SEMA3E: variants seen among roughly 807,000 people sequenced by gnomAD.
SEMA3E encodes the protein semaphorin 3E.
Under a neutral mutation model 93.6 loss-of-function variants are expected in SEMA3E, and 49 were observed. The ratio of observed to expected loss-of-function variants is 0.52; its 90% confidence interval spans 0.42 to 0.66. The LOEUF (loss-of-function observed/expected upper bound fraction) is 0.66. Among genes scored for constraint, SEMA3E ranks in the 30% least tolerant of loss-of-function variants. SEMA3E has a pLI of 0.00. For synonymous variants in SEMA3E, 363 were observed against 330.7 expected (o/e 1.10, Z -1.06); for missense variants, 906 against 964.8 (o/e 0.94, Z 0.81).
At chr7:83,443,812 C>A (rs956539920) in intron 4 of SEMA3E, among the ~76,000 whole-genome samples, 1 of 151,668 alleles carries the variant, frequency 6.6e-6, no homozygotes, top group Non-Finnish European at 1.5e-5. Context: ...TCAGAAGCAT[C>A]TTTTATTGAT....
intron 1 of SEMA3E, among the ~76,000 whole-genome samples, chr7:83,521,429 G>A (rs1172173010): frequency 5.3e-5 from 8 of 152,094 alleles, no homozygotes; most frequent in African/African-American, 1.9e-4. Flanking sequence ...GGCATAGTTG[G>A]TATTACAAGG....
intron 1 of SEMA3E, among the ~76,000 whole-genome samples, chr7:83,563,182 A>T (rs1289277360): frequency 6.6e-6 from 1 of 152,186 alleles, no homozygotes; most frequent in East Asian, 1.9e-4. Flanking sequence ...TATCACAGAT[A>T]CAGCGTTGAT....
chr7:83,418,187 C>G (rs981923838), intron 5 of SEMA3E, among the ~76,000 whole-genome samples: 1 of 152,172 alleles, frequency 6.6e-6, no homozygotes. Flanking sequence ...GACACACACA[C>G]TTTATAGCAT....
In SEMA3E at chr7:83,408,401, G is replaced by T; in HGVS notation, c.637C>A (p.Arg213Ser). 1 of 1,613,720 alleles carries T rather than the reference G, an allele frequency of 6.2e-7. No homozygotes were observed. The highest frequency in any genetic ancestry group is 8.5e-7 in the Non-Finnish European group (1 of 1,179,826). Residue 213 changes from arginine to serine, a missense_variant, in exon 6 of 17, where the codon CGC (arginine) becomes AGC (serine). Coordinates refer to ENST00000643230, the MANE Select transcript of SEMA3E (RefSeq NM_012431.3). ...AGACGCTCATCGTCATGCTCAGTGC[G>T]GATATGGGCCAGTCGCCCCATGCTG... ...FRSMGRLAHI[R>S]TEHDDERLLK... is the part of the protein sequence containing the mutation.
intron 4 of SEMA3E, among the ~76,000 whole-genome samples, chr7:83,424,529 T>C (rs367713576): frequency 6.6e-6 from 1 of 152,160 alleles, no homozygotes; most frequent in East Asian, 1.9e-4. Flanking sequence ...GGTAATTAAA[T>C]CCCTAACAAC....
At chr7:83,513,286 A>G (rs1158488328) in intron 1 of SEMA3E, among the ~76,000 whole-genome samples, 2 of 152,124 alleles carry the variant, frequency 1.3e-5, no homozygotes, top group African/African-American at 4.8e-5. Flanking sequence ...CATCACATCT[A>G]CTTTAATCTC....
chr7:83,489,435 C>T (rs536307669), intron 2 of SEMA3E, among the ~76,000 whole-genome samples: 3 of 62,814 alleles, frequency 4.8e-5, no homozygotes, highest in African/African-American at 1.7e-4. Flanking sequence ...ATGGACATGG[C>T]TCATAAACAT....
chr7:83,613,416 A>C (rs1793304323), intron 1 of SEMA3E, among the ~76,000 whole-genome samples: 1 of 152,112 alleles, frequency 6.6e-6, no homozygotes, highest in Admixed American at 6.6e-5. Context: ...GAACACTGTA[A>C]ACCACAAAAC....
At chr7:83,593,306 G>C (rs879806632) in intron 1 of SEMA3E, among the ~76,000 whole-genome samples, 48,150 of 126,990 alleles carry the variant, frequency 0.38, 9,120 homozygotes, top group Middle Eastern at 0.56. Context: ...GTGTGTGTGT[G>C]TGTGTGTGTG....
At chr7:83,476,422 A>T (rs1368773699) in intron 2 of SEMA3E, among the ~76,000 whole-genome samples, 1 of 152,266 alleles carries the variant, frequency 6.6e-6, no homozygotes, top group East Asian at 1.9e-4. Context: ...ACTCTTGAGT[A>T]GATGGAAGAA....
At chr7:83,634,378 A>G (rs1793842068) in intron 1 of SEMA3E, among the ~76,000 whole-genome samples, 1 of 152,166 alleles carries the variant, frequency 6.6e-6, no homozygotes, top group Admixed American at 6.5e-5. Flanking sequence ...ATTAGAGATA[A>G]TTCAGTTTTT....
intron 4 of SEMA3E, among the ~76,000 whole-genome samples, chr7:83,430,412 C>A (rs1003823306): frequency 6.6e-6 from 1 of 151,776 alleles, no homozygotes; most frequent in Admixed American, 6.6e-5. Context: ...TTACAGTGAG[C>A]CAAAATCCCG....
chr7:83,539,878 T>C (rs1791484946), intron 1 of SEMA3E, among the ~76,000 whole-genome samples: 1 of 150,964 alleles, frequency 6.6e-6, no homozygotes. Flanking sequence ...TGTGTGTGTG[T>C]GTGTGTGTGT....
At chr7:83,464,491 A>G (rs1417238686) in intron 4 of SEMA3E, among the ~76,000 whole-genome samples, 4 of 106,012 alleles carry the variant, frequency 3.8e-5, no homozygotes, top group African/African-American at 1.1e-4. Flanking sequence ...ATCACAGCTG[A>G]TATCTCCTGG....
intron 1 of SEMA3E, among the ~76,000 whole-genome samples, chr7:83,633,280 C>T (rs1793822026): frequency 6.6e-6 from 1 of 152,074 alleles, no homozygotes; most frequent in Admixed American, 6.6e-5. Context: ...CCAGGCACTA[C>T]TCTAAATACA....
intron 5 of SEMA3E, among the ~76,000 whole-genome samples, chr7:83,411,307 C>G (rs958293606): frequency 3.2e-4 from 49 of 151,990 alleles, no homozygotes; most frequent in African/African-American, 9.2e-4. Context: ...AAATTGTGAG[C>G]AATTCCCATA....
intron 2 of SEMA3E, among the ~76,000 whole-genome samples, chr7:83,472,024 C>T (rs751448862): frequency 7.2e-5 from 11 of 152,134 alleles, no homozygotes; most frequent in Non-Finnish European, 1.5e-4. Context: ...TCTTCATTGT[C>T]GTCTTCCTAT....
chr7:83,410,464 T>A (rs73707827), intron 5 of SEMA3E, among the ~76,000 whole-genome samples: 16,073 of 152,084 alleles, frequency 0.11, 931 homozygotes, highest in East Asian at 0.15. Flanking sequence ...TAACAATATA[T>A]AATTTGGTAG....
Position 83,610,772 on chromosome 7 carries a change from G to A in SEMA3E, c.115+37656C>T, listed in dbSNP as rs73708511. On this transcript the variant is annotated intron_variant, in intron 1 of 16. Coordinates refer to ENST00000643230, the MANE Select transcript of SEMA3E (RefSeq NM_012431.3). ...ATGAAGAATGAAATCACAGGGAGAAGGTCATCCACAAGCAAAGGTGAGAAG... is the reference window on the plus strand; with the variant it reads ...ATGAAGAATGAAATCACAGGGAGAAAGTCATCCACAAGCAAAGGTGAGAAG... Among the ~76,000 whole-genome samples, 840 of 152,114 alleles carry A rather than the reference G, an allele frequency of 5.5e-3. 5 individuals carry two copies. The highest frequency in any genetic ancestry group is 0.019 in the African/African-American group (777 of 41,534).
Sources: gnomAD v4.1 joint callset for allele counts (sites outside exome capture counted in the v4.1 genomes callset) on GRCh38, gnomAD v4.1.1 for gene constraint, MANE v1.5 for transcripts, NCBI Gene and HGNC (gene_info 2026-07-23, HGNC 2026-07-21) for gene names.